The following TAFA2 variants were observed in gnomAD, a reference collection of about 807,000 sequenced individuals.
TAFA2 encodes TAFA chemokine like family member 2, also known as chemokine-like protein TAFA-2.
TAFA2 carries 7 observed loss-of-function variants against 18.8 expected under a neutral mutation model. The ratio of observed to expected loss-of-function variants is 0.37; its 90% CI spans 0.21 to 0.70. TAFA2 has a LOEUF of 0.70. TAFA2 is among the 30% of genes least tolerant of loss of function. The pLI is 0.53. For synonymous variants in TAFA2, 60 were observed against 54.2 expected, an observed-to-expected ratio of 1.11 and a Z score of -0.47; for missense variants, 122 against 158.1, an observed-to-expected ratio of 0.77 and a Z score of 1.23.
chr12:62,143,482 A>G (rs916767005), intron 1 of TAFA2, among the ~76,000 whole-genome samples: 1 of 152,194 alleles, frequency 6.6e-6, no homozygotes, highest in Admixed American at 6.5e-5. Flanking sequence ...CCCAAGGACT[A>G]TCTAACTAAG....
chr12:62,130,935 A>G (rs999824257), intron 1 of TAFA2, among the ~76,000 whole-genome samples: 1 of 152,020 alleles, frequency 6.6e-6, no homozygotes, highest in African/African-American at 2.4e-5. Flanking sequence ...TGGCTAGCAA[A>G]CTGAAAACTT....
intron 1 of TAFA2, among the ~76,000 whole-genome samples, chr12:62,232,758 C>T (rs185906338): frequency 1.3e-3 from 191 of 152,098 alleles, no homozygotes; most frequent in African/African-American, 4.2e-3. Context: ...GTGATCCACC[C>T]GCCTCAGCCT....
chr12:61,965,726 G>C (rs1290264398), intron 1 of TAFA2, among the ~76,000 whole-genome samples: 1 of 151,858 alleles, frequency 6.6e-6, no homozygotes, highest in Non-Finnish European at 1.5e-5. Flanking sequence ...CATAATTACT[G>C]CTACTTGACT....
At chr12:62,031,252 G>A (rs1287137815) in intron 1 of TAFA2, among the ~76,000 whole-genome samples, 2 of 152,084 alleles carry the variant, frequency 1.3e-5, no homozygotes, top group Non-Finnish European at 2.9e-5. Flanking sequence ...CACCATCTAA[G>A]AAACTACTAG....
At chr12:61,722,402 T>C (rs935083104) in intron 4 of TAFA2, among the ~76,000 whole-genome samples, 1 of 152,144 alleles carries the variant, frequency 6.6e-6, no homozygotes, top group Non-Finnish European at 1.5e-5. Context: ...AGTGGAACTT[T>C]TGTATTCTGG....
At chr12:61,793,403 T>C (rs191629146) in intron 2 of TAFA2, among the ~76,000 whole-genome samples, 4 of 151,278 alleles carry the variant, frequency 2.6e-5, no homozygotes. Context: ...AAAAACTCCA[T>C]AAGAAAAATT....
intron 2 of TAFA2, among the ~76,000 whole-genome samples, chr12:61,781,597 G>A (rs1303759179): frequency 6.6e-6 from 1 of 151,594 alleles, no homozygotes; most frequent in Non-Finnish European, 1.5e-5. Flanking sequence ...GTGTGTTTGT[G>A]TGTGTATGTG....
At chr12:62,243,003 A>T (rs981579367) in intron 1 of TAFA2, among the ~76,000 whole-genome samples, 1 of 152,222 alleles carries the variant, frequency 6.6e-6, no homozygotes, top group African/African-American at 2.4e-5. Flanking sequence ...TTGACCTGAA[A>T]ATTGGATAAC....
rs1370335318 is a variant in TAFA2, at chr12:62,220,838, TG to T, written c.-130+37924del. On this transcript the variant is annotated intron_variant, in intron 1 of 5. Coordinates refer to the TAFA2 transcript ENST00000551619. Reference sequence around the variant, plus strand: ...AAGAAGGGAAGGGGGCCGGGCGCGGTGGCTCACGCCTGTAAGACCAGCACTT... The same window carrying T: ...AAGAAGGGAAGGGGGCCGGGCGCGGTGCTCACGCCTGTAAGACCAGCACTT... 3.3e-5 allele frequency among the ~76,000 whole-genome samples: 5 copies of T among 151,386 alleles called. No individual in the cohort carries two copies. The East Asian group carries it at 1.0e-3, about 30-fold the overall frequency.
chr12:62,053,410 AG>A (rs1340592972), intron 1 of TAFA2, among the ~76,000 whole-genome samples: 1 of 152,210 alleles, frequency 6.6e-6, no homozygotes, highest in Admixed American at 6.5e-5. Context: ...AAAAAAGAAA[AG>A]ACCCTAAATA....
intron 1 of TAFA2, among the ~76,000 whole-genome samples, chr12:61,924,497 T>C (rs1263883025): frequency 2.0e-5 from 3 of 152,158 alleles, no homozygotes; most frequent in Non-Finnish European, 4.4e-5. Context: ...CTAAGCTTCA[T>C]AAGCAAAAGA....
intron 1 of TAFA2, among the ~76,000 whole-genome samples, chr12:62,111,554 G>C (rs896415071): frequency 1.3e-5 from 2 of 152,150 alleles, no homozygotes; most frequent in African/African-American, 4.8e-5. Flanking sequence ...TTAATTTTCT[G>C]TCTCATTGAT....
intron 4 of TAFA2, among the ~76,000 whole-genome samples, chr12:61,729,700 A>G (rs1173957153): frequency 6.6e-6 from 1 of 151,842 alleles, no homozygotes; most frequent in Non-Finnish European, 1.5e-5. Flanking sequence ...TTAATAATTG[A>G]CCTTCTGAAT....
chr12:61,987,116 T>C (rs1879846590), intron 1 of TAFA2, among the ~76,000 whole-genome samples: 1 of 152,234 alleles, frequency 6.6e-6, no homozygotes, highest in African/African-American at 2.4e-5. Context: ...GCATCCAGTG[T>C]TGTGAGGAGA....
At chr12:62,161,485 G>A (rs2062406645) in intron 1 of TAFA2, among the ~76,000 whole-genome samples, 1 of 152,142 alleles carries the variant, frequency 6.6e-6, no homozygotes, top group South Asian at 2.1e-4. Context: ...CCCATAAGTG[G>A]GAGCTAAACA....
chr12:62,257,190 G>GTGTGTC (rs2136998182), intron 1 of TAFA2, among the ~76,000 whole-genome samples: 1 of 46,444 alleles, frequency 2.2e-5, no homozygotes, highest in East Asian at 6.5e-4. Flanking sequence ...GTGTGTGTGT[G>GTGTGTC]TGTGTGTGTG....
intron 1 of TAFA2, among the ~76,000 whole-genome samples, chr12:62,162,312 C>G (rs2062412109): frequency 2.0e-5 from 3 of 152,178 alleles, no homozygotes. Flanking sequence ...TTAGCTAACA[C>G]TGATGGTAGC....
chr12:61,827,223 C>T (rs1464577759), intron 2 of TAFA2: 2 of 152,010 alleles, frequency 1.3e-5, no homozygotes, highest in Non-Finnish European at 2.9e-5. Flanking sequence ...GGGGCTTGAG[C>T]AACAAGAGAG....
chr12:61,925,135 T>C (rs934040879), intron 1 of TAFA2, among the ~76,000 whole-genome samples: 5 of 152,140 alleles, frequency 3.3e-5, no homozygotes, highest in African/African-American at 4.8e-5. Context: ...ACAATAATAG[T>C]GGGAGACATT....
Sources: allele counts gnomAD v4.1 joint callset (sites outside exome capture counted in the v4.1 genomes callset), GRCh38; gene constraint gnomAD v4.1.1; transcripts MANE v1.5; gene names NCBI Gene and HGNC (gene_info 2026-07-23, HGNC 2026-07-21).